CP: variants seen among roughly 807,000 people sequenced by gnomAD.
CP encodes the protein caeruloplasmin.
CP carries 64 observed loss-of-function variants against 122.4 expected under a neutral mutation model. The observed-to-expected ratio is 0.52, with a 90% CI of 0.43 to 0.64. The LOEUF (loss-of-function observed/expected upper bound fraction) is 0.64, where lower values mean the gene tolerates loss of function less well. CP is among the 30% of genes least tolerant of loss of function. CP has a pLI of 0.00. For synonymous variants in CP, 440 were observed against 436.4 expected, an observed-to-expected ratio of 1.01 and a Z score of -0.10; for missense variants, 1,167 against 1,284.4, an observed-to-expected ratio of 0.91 and a Z score of 1.40.
intron 9 of CP, among the ~76,000 whole-genome samples, chr3:149,193,956 T>C (rs1036333058): frequency 6.6e-6 from 1 of 152,200 alleles, no homozygotes; most frequent in Non-Finnish European, 1.5e-5. Flanking sequence ...ATTTCTTCAT[T>C]TGCAAAATGA....
intron 1 of CP, among the ~76,000 whole-genome samples, chr3:149,213,295 A>G (rs1728233600): frequency 6.6e-6 from 1 of 152,232 alleles, no homozygotes; most frequent in South Asian, 2.1e-4. Context: ...TTGAATTTAA[A>G]TAATCCCTGT....
chr3:149,188,490 C>CAAAA (rs60815739), intron 9 of CP, among the ~76,000 whole-genome samples: 1,545 of 45,980 alleles, frequency 0.034, 148 homozygotes, highest in Non-Finnish European at 0.048. Context: ...TTGAAGCCTC[C>CAAAA]AAAAAAAAAA....
At position 149,183,481 on chromosome 3, in the gene CP, GTTC is replaced by G. The variant is rs1482869210; in HGVS notation, c.2407_2409del (p.Glu803del). On this transcript the variant is annotated inframe_deletion, in exon 13 of 19. Coordinates refer to ENST00000264613, the MANE Select transcript of CP (RefSeq NM_000096.4). ...ATTAACATACCTAGAATTCCCAGAT[GTTC>G]TTCTTCAGCTTTTCTCTCCACTGGA... is the stretch of plus-strand genomic sequence containing the variant. 9 of 1,611,162 alleles carry G rather than the reference GTTC, an allele frequency of 5.6e-6. No homozygotes were observed. The highest frequency in any genetic ancestry group is 4.5e-5 in the East Asian group (2 of 44,804).
chr3:149,163,779 T>C, intron 5 of CP: 3 of 874,598 alleles, frequency 3.4e-6, no homozygotes, highest in Non-Finnish European at 3.9e-6. Flanking sequence ...TTGCTCTTTG[T>C]GGAATGGATA....
intron 5 of CP, among the ~76,000 whole-genome samples, chr3:149,164,124 T>C (rs1576699055): frequency 1.3e-5 from 2 of 152,274 alleles, no homozygotes; most frequent in South Asian, 4.1e-4. Context: ...TGCCTGAAAC[T>C]GATGATGGTT....
chr3:149,207,579 A>G lies in CP; in HGVS notation c.820T>C (p.Ser274Pro). 1 of 1,613,950 alleles carries G rather than the reference A, an allele frequency of 6.2e-7. No homozygotes were observed. The change falls in exon 5 of 19, where the codon TCC becomes CCC. Residue 274 changes from serine (S) to proline (P), a missense_variant. Ser to Pro is a moderately conservative substitution (Grantham distance 74). Coordinates refer to ENST00000264613, the MANE Select transcript of CP (RefSeq NM_000096.4). ...GYTFGSLPGL[S>P]MCAEDRVKWY... ...TTTACTCTGTCTTCAGCACACATGG[A>G]GAGTCCTGGGAGACTTCCAAAAGTG...
chr3:149,180,716 T>C (rs912466626), intron 14 of CP, among the ~76,000 whole-genome samples: 6 of 152,220 alleles, frequency 3.9e-5, no homozygotes, highest in Non-Finnish European at 7.3e-5. Context: ...TTCACTAGAA[T>C]ATAAAGTATT....
chr3:149,163,526 A>G (rs566652025), intron 5 of CP, among the ~76,000 whole-genome samples: 1 of 152,350 alleles, frequency 6.6e-6, no homozygotes, highest in Admixed American at 6.5e-5. Context: ...TAAAGAAAGT[A>G]GTATTAATAA....
chr3:149,187,753 AG>A (rs1726268557), intron 10 of CP, among the ~76,000 whole-genome samples: 1 of 152,206 alleles, frequency 6.6e-6, no homozygotes, highest in Admixed American at 6.5e-5. Context: ...CGGACTTTGT[AG>A]GTCAGGGTAG....
At chr3:149,190,282 A>G (rs1331502843) in intron 9 of CP, among the ~76,000 whole-genome samples, 1 of 152,196 alleles carries the variant, frequency 6.6e-6, no homozygotes, top group Non-Finnish European at 1.5e-5. Flanking sequence ...GTAAATCATT[A>G]TATGCAATTA....
At position 149,185,368 on chromosome 3, in the gene CP, C is replaced by T. The variant is rs1726093245; in HGVS notation, c.2156G>A (p.Arg719Lys). The T allele has an allele frequency of 1.2e-6, 2 of 1,613,998 alleles. No individual in the cohort carries two copies. Among genetic ancestry groups the T allele is most frequent in the African/African-American group, 1.3e-5 (1 of 74,892 alleles). ...GAAGGTGGAATCCTCAGACTGCCGC[C>T]TGCATTGGTTCACAGTATATTTTTG... ...MKQKYTVNQC[R>K]RQSEDSTFYL... Residue 719 changes from arginine to lysine, a missense_variant, in exon 12 of 19, where the codon AGG (arginine) becomes AAG (lysine). Around this residue, in one of 2 missense-constraint regions of CP, gnomAD observed 525 missense variants for 657.2 expected, o/e 0.80. Coordinates refer to ENST00000264613, the MANE Select transcript of CP (RefSeq NM_000096.4).
chr3:149,172,040 A>G, downstream of CP: 5 of 1,576,588 alleles, frequency 3.2e-6, no homozygotes, highest in Non-Finnish European at 4.3e-6. Context: ...AAGTAAGAAG[A>G]GATTGAATGA....
chr3:149,206,386 T>C, intron 5 of CP, 47 bp from the exon 6 acceptor site: 3 of 1,605,972 alleles, frequency 1.9e-6, no homozygotes, highest in Non-Finnish European at 2.6e-6. Context: ...ACAATGTTTC[T>C]CTCTCCTATT....
At position 149,203,678 on chromosome 3, in the gene CP, G is replaced by T. The variant is rs532110932; in HGVS notation, c.1209-1437C>A. ...TCAGAAAGGTAATTATTTGACTTGC[G>T]CAAAGCCACCTCATTCATCATTTCT... On this transcript the variant is annotated intron_variant, in intron 6 of 18. Coordinates refer to ENST00000264613, the MANE Select transcript of CP (RefSeq NM_000096.4). Among the ~76,000 whole-genome samples, 6 of 152,298 alleles carry T rather than the reference G, an allele frequency of 3.9e-5. 1 individual carries two copies. The highest frequency in any genetic ancestry group is 1.3e-4 in the Admixed American group (2 of 15,294).
At chr3:149,184,387 A>G (rs2108233228) in intron 12 of CP, among the ~76,000 whole-genome samples, 1 of 152,064 alleles carries the variant, frequency 6.6e-6, no homozygotes, top group Non-Finnish European at 1.5e-5. Context: ...TTTTACCCCA[A>G]TTACAAAATA....
At chr3:149,218,817 C>T (rs1728627080) in intron 1 of CP, among the ~76,000 whole-genome samples, 1 of 152,174 alleles carries the variant, frequency 6.6e-6, no homozygotes, top group Admixed American at 6.5e-5. Context: ...ACTCTCAATG[C>T]ATATTTTCCT....
chr3:149,217,861 A>G (rs776173864), intron 1 of CP: 18 of 440,424 alleles, frequency 4.1e-5, no homozygotes, highest in Non-Finnish European at 7.0e-5. Flanking sequence ...AGTAATTATG[A>G]TTACCGTAAG....
chr3:149,196,150 T>A (rs934607443), intron 9 of CP, among the ~76,000 whole-genome samples: 1 of 152,164 alleles, frequency 6.6e-6, no homozygotes, highest in African/African-American at 2.4e-5. Context: ...ATATTGTTGA[T>A]TGTAGTGTTG....
chr3:149,163,596 G>C (rs552520524), intron 5 of CP, among the ~76,000 whole-genome samples: 1 of 152,168 alleles, frequency 6.6e-6, no homozygotes, highest in South Asian at 2.1e-4. Context: ...TGCTCTTTTT[G>C]CTAGAAAGTG....
Sources: allele counts gnomAD v4.1 joint callset (sites outside exome capture counted in the v4.1 genomes callset), GRCh38; gene constraint gnomAD v4.1.1; regional missense constraint gnomAD v4.1.1; transcripts MANE v1.5; gene names NCBI Gene and HGNC (gene_info 2026-07-23, HGNC 2026-07-21).